MCF2L2: variants seen among roughly 807,000 people sequenced by gnomAD.
MCF2L2 encodes MCF.2 cell line derived transforming sequence-like 2.
A neutral mutation model predicts 150.2 loss-of-function variants in MCF2L2; 102 were observed. The observed-to-expected ratio is 0.68, with a 90% CI of 0.58 to 0.80. The LOEUF is 0.80. Among genes scored for constraint, MCF2L2 ranks in the 30% least tolerant of loss-of-function variants. The pLI, the probability that MCF2L2 is intolerant of heterozygous loss-of-function variation, is 0.00. For synonymous variants in MCF2L2, 465 were observed against 491.3 expected (o/e 0.95, Z 0.71); for missense variants, 1,256 against 1,372.8 (o/e 0.91, Z 1.34).
intron 16 of MCF2L2, 121 bp downstream of exon 16, chr3:183,230,830 A>G (rs1723522813): frequency 2.9e-6 from 2 of 684,610 alleles, no homozygotes; most frequent in Non-Finnish European, 5.1e-6. Context: ...GTAATATTCT[A>G]AGACCTGAAA....
intron 3 of MCF2L2, among the ~76,000 whole-genome samples, chr3:183,368,217 A>T (rs1433927430): frequency 6.6e-6 from 1 of 152,218 alleles, no homozygotes; most frequent in Non-Finnish European, 1.5e-5. Context: ...TTACTGAATC[A>T]GAAATCTTAG....
intron 1 of MCF2L2, among the ~76,000 whole-genome samples, chr3:183,402,844 C>A (rs2108613527): frequency 6.6e-6 from 1 of 150,446 alleles, no homozygotes; most frequent in African/African-American, 2.5e-5. Context: ...GAAACTGAGT[C>A]TCGCCTCATA....
At chr3:183,325,144 C>A (rs1412874649) in intron 5 of MCF2L2, among the ~76,000 whole-genome samples, 1 of 149,034 alleles carries the variant, frequency 6.7e-6, no homozygotes, top group Non-Finnish European at 1.5e-5. Context: ...GGAGGGATAG[C>A]ATTAGGAGAT....
intron 1 of MCF2L2, among the ~76,000 whole-genome samples, chr3:183,413,047 C>A (rs1194746377): frequency 1.3e-5 from 2 of 152,100 alleles, no homozygotes; most frequent in African/African-American, 4.8e-5. Flanking sequence ...GGATGCTAAA[C>A]CAACCTTACA....
chr3:183,231,073 T>C (rs977648084), intron 15 of MCF2L2, 56 bp from the exon 16 acceptor site: 4 of 1,307,216 alleles, frequency 3.1e-6, no homozygotes, highest in African/African-American at 1.4e-5. Flanking sequence ...GAGAGGAGAA[T>C]GTTCTTTTAG....
intron 22 of MCF2L2, among the ~76,000 whole-genome samples, chr3:183,211,090 T>A (rs76703589): frequency 1.3e-5 from 2 of 151,740 alleles, no homozygotes; most frequent in East Asian, 3.9e-4. Context: ...CATTAGAAAT[T>A]ATGAGGAAGA....
chr3:183,214,426 C>A (rs1722839951), intron 22 of MCF2L2, among the ~76,000 whole-genome samples: 1 of 152,100 alleles, frequency 6.6e-6, no homozygotes, highest in South Asian at 2.1e-4. Context: ...TGGCTGGGAT[C>A]ACAGCAAACC....
At chr3:183,322,808 C>CG (rs913571516) in intron 6 of MCF2L2, among the ~76,000 whole-genome samples, 9 of 151,982 alleles carry the variant, frequency 5.9e-5, no homozygotes, top group African/African-American at 1.5e-4. Context: ...TAGTAGTCCC[C>CG]GGGGGGTGAC....
At chr3:183,275,964 A>G (rs1727135982) in intron 15 of MCF2L2, among the ~76,000 whole-genome samples, 2 of 152,356 alleles carry the variant, frequency 1.3e-5, no homozygotes, top group South Asian at 4.1e-4. Flanking sequence ...ACTAACTTAA[A>G]GAACACTAAG....
intron 26 of MCF2L2, among the ~76,000 whole-genome samples, chr3:183,193,493 T>G (rs1173739844): frequency 5.9e-5 from 9 of 151,962 alleles, no homozygotes; most frequent in Admixed American, 5.9e-4. Flanking sequence ...TGGGACTACA[T>G]GCGTGTGCCA....
intron 27 of MCF2L2, chr3:183,192,788 T>A: frequency 4.2e-6 from 2 of 478,886 alleles, no homozygotes; most frequent in Non-Finnish European, 7.4e-6. Context: ...ATGTGAGACA[T>A]TTGCCCTTCA....
intron 15 of MCF2L2, chr3:183,265,384 AT>A: frequency 6.6e-6 from 1 of 152,402 alleles, no homozygotes; most frequent in Non-Finnish European, 1.5e-5. Flanking sequence ...CAGGCCCAGC[AT>A]TTTCTTCTAC....
At chr3:183,341,658 G>C (rs748719668) in intron 3 of MCF2L2, 28 bp from the exon 4 acceptor site, 3 of 1,491,562 alleles carry the variant, frequency 2.0e-6, no homozygotes, top group Non-Finnish European at 2.8e-6. Context: ...CAGTGTCAGA[G>C]ATTAGGTGAG....
chr3:183,320,870 T>C (rs1729781177), intron 6 of MCF2L2, among the ~76,000 whole-genome samples: 1 of 152,194 alleles, frequency 6.6e-6, no homozygotes, highest in Admixed American at 6.5e-5. Context: ...AGCTTTTGAT[T>C]TAAAGTGAGA....
intron 6 of MCF2L2, among the ~76,000 whole-genome samples, chr3:183,321,299 G>A (rs1042985115): frequency 7.9e-5 from 12 of 152,058 alleles, no homozygotes; most frequent in Non-Finnish European, 1.0e-4. Context: ...TTAGCTGGGC[G>A]TGGTGGCGCG....
At chr3:183,311,581 G>T (rs1560015778) in intron 8 of MCF2L2, 67 bp downstream of exon 8, 8 of 1,572,886 alleles carry the variant, frequency 5.1e-6, no homozygotes, top group Non-Finnish European at 6.9e-6. Context: ...TCTGTTCTTG[G>T]TTGCTCCAGA....
At chr3:183,350,350 G>A (rs1055996180) in intron 3 of MCF2L2, among the ~76,000 whole-genome samples, 2 of 151,750 alleles carry the variant, frequency 1.3e-5, no homozygotes, top group African/African-American at 2.4e-5. Context: ...GTATGAAAAC[G>A]TCAACTAAAC....
chr3:183,191,033 G>C (rs1170229805), intron 27 of MCF2L2, among the ~76,000 whole-genome samples: 3 of 152,022 alleles, frequency 2.0e-5, no homozygotes, highest in Non-Finnish European at 4.4e-5. Flanking sequence ...TTACAGGCGT[G>C]TACCACCATG....
Position 183,283,928 on chromosome 3 carries a change from G to A in MCF2L2, c.1776+5192C>T, listed in dbSNP as rs977067748. 1.3e-5 allele frequency among the ~76,000 whole-genome samples: 2 copies of A among 152,114 alleles called. No homozygotes were observed. Among genetic ancestry groups the A allele is most frequent in the South Asian group, 2.1e-4 (1 of 4,812 alleles). The stretch of plus-strand genomic sequence containing the variant: ...TACCACATTATATATTCCTTTTACT[G>A]TAGAAACGTCATTCTGCTTTATATT... On this transcript the variant is annotated intron_variant, in intron 14 of 29. Transcript: ENST00000328913. The surrounding 1 kb of genome is among the most constrained non-coding windows in gnomAD (Gnocchi z 4.2).
Sources: gnomAD v4.1 joint callset for allele counts (sites outside exome capture counted in the v4.1 genomes callset) on GRCh38, gnomAD v4.1.1 for gene constraint, Gnocchi (gnomAD v3.1) non-coding constraint, MANE v1.5 for transcripts, NCBI Gene and HGNC (gene_info 2026-07-23, HGNC 2026-07-21) for gene names.